The following WIPI2 variants were observed in gnomAD, a reference collection of about 807,000 sequenced individuals.
The protein encoded by WIPI2 is WD repeat domain, phosphoinositide interacting 2.
In WIPI2, 28 loss-of-function variants were observed where a neutral mutation model predicts 52.3. That is an observed-to-expected ratio of 0.54 (90% CI 0.40 to 0.73). The LOEUF (loss-of-function observed/expected upper bound fraction) is 0.73, where lower values mean the gene tolerates loss of function less well. WIPI2 is among the 30% of genes least tolerant of loss of function. WIPI2 has a pLI of 0.00. For synonymous variants in WIPI2, 268 were observed against 245.0 expected, an observed-to-expected ratio of 1.09 and a Z score of -0.88; for missense variants, 506 against 602.9, an observed-to-expected ratio of 0.84 and a Z score of 1.68.
chr7:5,209,013 A>ATTTT (rs55697377), intron 3 of WIPI2, among the ~76,000 whole-genome samples: 16 of 92,868 alleles, frequency 1.7e-4, no homozygotes, highest in African/African-American at 2.6e-4. Context: ...ATATTCTGTG[A>ATTTT]TTTTTTTTTT....
rs1284906628 is a variant in WIPI2 at position 5,230,868 on chromosome 7, C to T, written c.1286C>T (p.Ala429Val). Residue 429 changes from alanine (A) to valine (V), a missense_variant, in exon 13 of 13, where the codon GCC (alanine) becomes GTC (valine). Coordinates refer to ENST00000288828, the MANE Select transcript of WIPI2 (RefSeq NM_015610.4). The surrounding 1 kb of genome is among the most constrained non-coding windows in gnomAD (Gnocchi z 4.8). Reference sequence around the variant, plus strand: ...GACGACCTGGGTGCTGTGGGTGGCGCCTGCCTGGAGGACGAGGCCAGCGCC... The same window carrying T: ...GACGACCTGGGTGCTGTGGGTGGCGTCTGCCTGGAGGACGAGGCCAGCGCC... The part of the protein sequence containing the change: ...YTDDLGAVGG[A>V]CLEDEASALR... 6.2e-7 allele frequency: 1 copy of T among 1,613,846 alleles called. No individual in the cohort carries two copies. Among genetic ancestry groups the T allele is most frequent in the Admixed American group, 1.7e-5 (1 of 59,982 alleles).
intron 3 of WIPI2, among the ~76,000 whole-genome samples, chr7:5,210,358 A>T (rs1782495326): frequency 6.6e-6 from 1 of 152,004 alleles, no homozygotes; most frequent in Admixed American, 6.6e-5. Flanking sequence ...GACGTGTCTC[A>T]TTTCCTCTTC....
chr7:5,215,321 A>G (rs1467634301), intron 4 of WIPI2, among the ~76,000 whole-genome samples: 3 of 152,242 alleles, frequency 2.0e-5, no homozygotes, highest in Non-Finnish European at 2.9e-5. Flanking sequence ...CAAAAAAAAA[A>G]CTTACAGACT....
chr7:5,200,207 TA>T (rs1781956467), intron 3 of WIPI2, among the ~76,000 whole-genome samples: 1 of 152,182 alleles, frequency 6.6e-6, no homozygotes, highest in Non-Finnish European at 1.5e-5. Context: ...AAAACAGAAA[TA>T]ATGCAGGTCT....
chr7:5,232,971 CTG>C lies in WIPI2; in HGVS notation c.*2026_*2027del, dbSNP rs1339970471. ...CCTCGCTCAGCCTCGGCTTCCCGCACTGTAAGATGAGGCAGTTGCAGAGGAGG... is the reference window on the plus strand; with the variant it reads ...CCTCGCTCAGCCTCGGCTTCCCGCACTAAGATGAGGCAGTTGCAGAGGAGG... On this transcript the variant is annotated 3_prime_UTR_variant, in exon 13 of 13. Coordinates refer to ENST00000288828, the MANE Select transcript of WIPI2 (RefSeq NM_015610.4). 1.3e-5 allele frequency: 2 copies of C among 152,284 alleles called. No homozygotes were observed. Among genetic ancestry groups the C allele is most frequent in the African/African-American group, 4.8e-5 (2 of 41,462 alleles). 9.4% of individuals were successfully genotyped at this position (152,284 alleles called of 1,614,324 possible). A position where few individuals can be genotyped will look rare whatever the true frequency, so the allele number is the denominator to read the frequency against.
chr7:5,206,646 A>G (rs1782308370), intron 3 of WIPI2, among the ~76,000 whole-genome samples: 1 of 152,232 alleles, frequency 6.6e-6, no homozygotes, highest in Non-Finnish European at 1.5e-5. Context: ...GGAAATTTTC[A>G]AACTGAAAAG....
At chr7:5,212,443 G>C (rs1289880938) in intron 3 of WIPI2, among the ~76,000 whole-genome samples, 2 of 152,206 alleles carry the variant, frequency 1.3e-5, no homozygotes, top group Non-Finnish European at 2.9e-5. Context: ...TGTGCCCCTG[G>C]ATTTGCACAT....
At chr7:5,202,182 G>A (rs13236780) in intron 3 of WIPI2, among the ~76,000 whole-genome samples, 19,448 of 152,160 alleles carry the variant, frequency 0.13, 1,371 homozygotes, top group East Asian at 0.31. Flanking sequence ...GAAAGAATGG[G>A]CCAGAGCTGG....
intron 7 of WIPI2, 163 bp downstream of exon 7, chr7:5,218,177 G>T: frequency 1.6e-6 from 1 of 643,286 alleles, no homozygotes. Context: ...TACTGCCCGA[G>T]AGTGAGCGGA....
chr7:5,203,625 CTTTTTTTT>C (rs10709311), intron 3 of WIPI2, among the ~76,000 whole-genome samples: 2 of 66,394 alleles, frequency 3.0e-5, no homozygotes, highest in East Asian at 4.8e-4. Context: ...TACGTTCAGC[CTTTTTTTT>C]TTTTTTTTTT....
chr7:5,203,312 G>A (rs75186544), intron 3 of WIPI2, among the ~76,000 whole-genome samples: 3,509 of 152,292 alleles, frequency 0.023, 128 homozygotes, highest in African/African-American at 0.079. Flanking sequence ...CTGTGGTGCT[G>A]GAATGCTGGC....
At chr7:5,217,345 C>G (rs766863826) in intron 6 of WIPI2, 158 bp downstream of exon 6, 4 of 774,678 alleles carry the variant, frequency 5.2e-6, no homozygotes, top group Non-Finnish European at 6.4e-6. Flanking sequence ...GGCTCTGTCG[C>G]CCATGCTGGA....
intron 3 of WIPI2, among the ~76,000 whole-genome samples, chr7:5,209,994 G>A (rs1195939183): frequency 3.9e-5 from 6 of 151,968 alleles, no homozygotes; most frequent in Non-Finnish European, 7.4e-5. Flanking sequence ...TGCAACCTCC[G>A]TCTCTCAGGT....
Position 5,225,809 on chromosome 7 carries a change from G to C in WIPI2, c.741-14G>C. On this transcript the variant is annotated splice_polypyrimidine_tract_variant and intron_variant, in intron 8 of 12. Coordinates refer to ENST00000288828, the MANE Select transcript of WIPI2 (RefSeq NM_015610.4). ...TGGCTCCGGTGGCCCGCCCCAACCT[G>C]TGCGTCTCCCCAGGTGCGTGAGCAT... The C allele has an allele frequency of 6.2e-7, 1 of 1,604,294 alleles. No homozygotes were observed. The highest frequency in any genetic ancestry group is 1.3e-5 in the African/African-American group (1 of 74,936).
chr7:5,229,484 G>A, intron 11 of WIPI2, 124 bp from the exon 12 acceptor site: 1 of 1,213,916 alleles, frequency 8.2e-7, no homozygotes. Flanking sequence ...ACGGCGTGAT[G>A]AATGCCTGGC....
Position 5,231,031 on chromosome 7 carries a change from C to A in WIPI2, c.*84C>A. The A allele has an allele frequency of 8.3e-7, 1 of 1,205,228 alleles. No homozygotes were observed. The highest frequency in any genetic ancestry group is 1.1e-6 in the Non-Finnish European group (1 of 870,460). The allele number at this position is 1,205,228 out of a possible 1,614,324, so 74.7% of individuals were successfully genotyped here. A position where few individuals can be genotyped will look rare whatever the true frequency, so the allele number is the denominator to read the frequency against. ...GTGCATTGCTGCTATGAACTTTGAC[C>A]TGAGTCGGGGGAGAGGATGGCAGAG... On this transcript the variant is annotated 3_prime_UTR_variant, in exon 13 of 13. Coordinates refer to ENST00000288828, the MANE Select transcript of WIPI2 (RefSeq NM_015610.4).
At position 5,190,349 on chromosome 7, in the gene WIPI2, C is replaced by A. The variant is rs973767383; in HGVS notation, c.-71C>A. ...GCGGCGAGCGGGGCCCGGCGCCGAC[C>A]CTGAGTGCAGCCTGACCCGCCCTCG... On this transcript the variant is annotated 5_prime_UTR_variant, in exon 1 of 13. Coordinates refer to ENST00000288828, the MANE Select transcript of WIPI2 (RefSeq NM_015610.4). The A allele has an allele frequency of 6.2e-6, 7 of 1,125,774 alleles. No individual in the cohort carries two copies. The highest frequency in any genetic ancestry group is 7.9e-6 in the Non-Finnish European group (7 of 886,684). 69.7% of individuals were successfully genotyped at this position (1,125,774 alleles called of 1,614,324 possible).
intron 3 of WIPI2, among the ~76,000 whole-genome samples, chr7:5,205,383 C>T (rs894652769): frequency 6.6e-6 from 1 of 152,350 alleles, no homozygotes; most frequent in Non-Finnish European, 1.5e-5. Flanking sequence ...GTTACTGACT[C>T]TTGTAAATGT....
At chr7:5,194,313 TAC>T (rs981807721) in intron 2 of WIPI2, among the ~76,000 whole-genome samples, 2 of 152,200 alleles carry the variant, frequency 1.3e-5, no homozygotes, top group Non-Finnish European at 2.9e-5. Flanking sequence ...GCTTTTGGTT[TAC>T]AGTGTCGGGC....
Sources: gnomAD v4.1 joint callset for allele counts (sites outside exome capture counted in the v4.1 genomes callset) on GRCh38, gnomAD v4.1.1 for gene constraint, Gnocchi (gnomAD v3.1) non-coding constraint, MANE v1.5 for transcripts, NCBI Gene and HGNC (gene_info 2026-07-23, HGNC 2026-07-21) for gene names.